The following ANPEP variants were observed in gnomAD, a reference collection of about 807,000 sequenced individuals.
The protein encoded by ANPEP is alanyl aminopeptidase, membrane, also known as aminopeptidase N.
Under a neutral mutation model 114.6 loss-of-function variants are expected in ANPEP, and 70 were observed. That is an observed-to-expected ratio of 0.61 (90% CI 0.50 to 0.75). ANPEP has a LOEUF of 0.75. Ranked by LOEUF, ANPEP falls within the 30% of genes least tolerant of loss-of-function variation. The probability of loss-of-function intolerance (pLI) is 0.00; values close to 1 mark genes in which losing one functional copy is unlikely to be tolerated. For missense variants in ANPEP, 1,184 were observed against 1,259.5 expected, an observed-to-expected ratio of 0.94 and a Z score of 0.91; for synonymous variants, 548 against 522.3, an observed-to-expected ratio of 1.05 and a Z score of -0.67.
chr15:89,801,314 G>T, intron 11 of ANPEP, 121 bp downstream of exon 11: 1 of 1,540,158 alleles, frequency 6.5e-7, no homozygotes, highest in South Asian at 1.2e-5. Flanking sequence ...TGGCTCTGGA[G>T]GGAGGGTCTG....
chr15:89,813,018 A>G (rs184346907), intron 1 of ANPEP, among the ~76,000 whole-genome samples: 1 of 152,104 alleles, frequency 6.6e-6, no homozygotes, highest in East Asian at 1.9e-4. Context: ...GAGGACCCAC[A>G]TCTTGCCTCC....
At chr15:89,805,801 T>C (rs1410321875) in intron 2 of ANPEP, among the ~76,000 whole-genome samples, 169 bp downstream of exon 2, 1 of 152,108 alleles carries the variant, frequency 6.6e-6, no homozygotes, top group Non-Finnish European at 1.5e-5. Flanking sequence ...CCCTCCCAGT[T>C]CGGTGCATTT....
At chr15:89,813,952 G>A (rs182267749) in intron 1 of ANPEP, among the ~76,000 whole-genome samples, 84 of 148,656 alleles carry the variant, frequency 5.7e-4, no homozygotes, top group Non-Finnish European at 8.8e-4. Flanking sequence ...AAAACCCCAG[G>A]ACATAGCCCA....
rs775363649 is a variant in ANPEP, at chr15:89,805,232, T to A, written c.758-15A>T. On this transcript the variant is annotated splice_polypyrimidine_tract_variant and intron_variant, in intron 3 of 20. Transcript: ENST00000300060. ...GGTGCTGGGACCTGGGCAGGGAGCA[T>A]GTGTGTGTGAGGACGTACCCTCCTG... The A allele has an allele frequency of 2.5e-6, 4 of 1,614,046 alleles. No individual in the cohort carries two copies. Among genetic ancestry groups the A allele is most frequent in the Non-Finnish European group, 2.5e-6 (3 of 1,179,964 alleles).
chr15:89,794,735 G>C (rs1252872374), intron 15 of ANPEP, among the ~76,000 whole-genome samples: 1 of 152,120 alleles, frequency 6.6e-6, no homozygotes, highest in Non-Finnish European at 1.5e-5. Context: ...ATTGCAAAGA[G>C]GGTCAGAGGT....
Position 89,804,583 on chromosome 15 carries a change from G to A in ANPEP, c.932C>T (p.Ala311Val), listed in dbSNP as rs17240268. The A allele has an allele frequency of 0.082, 132,670 of 1,613,128 alleles. 6,024 individuals carry two copies. The highest frequency in any genetic ancestry group is 0.13 in the African/African-American group (10,086 of 75,012). The change falls in exon 5 of 21, where the codon GCG becomes GTG. Residue 311 changes from alanine to valine, a missense_variant. Ala to Val is a moderately conservative substitution (Grantham distance 64). Coordinates refer to ENST00000300060, the MANE Select transcript of ANPEP (RefSeq NM_001150.3). ...GTTCAGGGCATAATCGCCGTGGCCC[G>A]CCGCAATGGCACTGGGCCGGGCCCA... ...RIWARPSAIA[A>V]GHGDYALNVT...
rs113402047 is a variant in ANPEP at position 89,786,692 on chromosome 15, C to CA, written c.2752-1192dup. 9.8e-3 allele frequency among the ~76,000 whole-genome samples: 1,163 copies of CA among 119,090 alleles called. 13 individuals carry two copies. The highest frequency in any genetic ancestry group is 0.029 in the African/African-American group (931 of 32,124). The allele number at this position is 119,090 out of a possible 152,430, so 78.1% of individuals were successfully genotyped here. ...TGGGTGACAGAGTGAGACCCTTTCT[C>CA]AAAAAAAAAAAAAGCAAATTGGAGG... On this transcript the variant is annotated intron_variant, in intron 20 of 20. Coordinates refer to ENST00000300060, the MANE Select transcript of ANPEP (RefSeq NM_001150.3).
Position 89,799,618 on chromosome 15 carries a change from A to G in ANPEP, c.1820-59T>C. ...TCAGAGGCCATGGGCTGACCCCTGG[A>G]CCTCTTGCAAGAGCAGCTGCCCCCG... On this transcript the variant is annotated intron_variant, in intron 12 of 20. Transcript: ENST00000300060. The surrounding 1 kb of genome is among the most constrained non-coding windows in gnomAD (Gnocchi z 4.2). 6.2e-7 allele frequency: 1 copy of G among 1,607,046 alleles called. No homozygotes were observed. Among genetic ancestry groups the G allele is most frequent in the South Asian group, 1.1e-5 (1 of 90,786 alleles).
intron 10 of ANPEP, chr15:89,802,343 T>G (rs1020093381): frequency 6.6e-6 from 1 of 151,336 alleles, no homozygotes; most frequent in African/African-American, 2.4e-5. Context: ...GCAATGACAG[T>G]GTCATTTTGT....
Position 89,804,366 on chromosome 15 carries a change from T to G in ANPEP, c.1066A>C (p.Asn356His), listed in dbSNP as rs1894663048. Reference sequence around the variant, plus strand: ...TCCCGGTAGGTCACCAGTCCCCAGTTCTCCATGGCGCCGGCGTTGAAGTCT... The same window carrying G: ...TCCCGGTAGGTCACCAGTCCCCAGTGCTCCATGGCGCCGGCGTTGAAGTCT... ...LPDFNAGAMENWGLVTYRENS... is the reference protein window; with the variant it reads ...LPDFNAGAMEHWGLVTYRENS... The change falls in exon 6 of 21, where the codon AAC (asparagine) becomes CAC (histidine). Residue 356 changes from asparagine (N) to histidine (H), a missense_variant. Transcript: ENST00000300060. 6.2e-7 allele frequency: 1 copy of G among 1,614,038 alleles called. No homozygotes were observed. Among genetic ancestry groups the G allele is most frequent in the Non-Finnish European group, 8.5e-7 (1 of 1,179,988 alleles).
Position 89,792,303 on chromosome 15 carries a change from G to C in ANPEP, c.2385C>G (p.Thr795=), listed in dbSNP as rs25652. 1 of 1,614,058 alleles carries C rather than the reference G, an allele frequency of 6.2e-7. No individual in the cohort carries two copies. The highest frequency in any genetic ancestry group is 2.2e-5 in the East Asian group (1 of 44,870). The change falls in exon 18 of 21, where the codon ACC becomes ACG. Residue 795 remains threonine, a synonymous_variant. Transcript: ENST00000300060. ...CCTGGGCGATAGCGTTGCAGTAGAC[G>C]GTGGACCGCAGGTTGGGGTGGATCC... The part of the protein sequence containing the change: ...NNPIHPNLRS[T]VYCNAIAQGG...
chr15:89,786,781 G>C (rs902337905), intron 20 of ANPEP, among the ~76,000 whole-genome samples: 4 of 151,736 alleles, frequency 2.6e-5, no homozygotes, highest in Non-Finnish European at 5.9e-5. Context: ...TATGGTACAG[G>C]CATAAGGATG....
chr15:89,789,136 CA>C (rs1968567260), intron 20 of ANPEP, among the ~76,000 whole-genome samples: 1 of 151,822 alleles, frequency 6.6e-6, no homozygotes, highest in Non-Finnish European at 1.5e-5. Flanking sequence ...CCCCCCACCA[CA>C]CCCAGCTAAT....
Position 89,785,621 on chromosome 15 carries a change from C to T in ANPEP, c.2752-120G>A. The T allele has an allele frequency of 2.9e-6, 4 of 1,398,438 alleles. No individual in the cohort carries two copies. The South Asian group carries it at 5.3e-5, about 19-fold the overall frequency. 86.6% of individuals were successfully genotyped at this position (1,398,438 alleles called of 1,614,324 possible). A position where few individuals can be genotyped will look rare whatever the true frequency, so the allele number is the denominator to read the frequency against. On this transcript the variant is annotated intron_variant, in intron 20 of 20. Transcript: ENST00000300060. ...GAGTCCCCATGGATGGGACCACACC[C>T]TGTTCCAGGGATAGGCAGGACGTCC...
At chr15:89,789,775 C>A (rs1247611300) in intron 20 of ANPEP, among the ~76,000 whole-genome samples, 492 of 97,254 alleles carry the variant, frequency 5.1e-3, no homozygotes, top group African/African-American at 6.4e-3. Context: ...GACTCAGTCT[C>A]AAAAAAAAAA....
intron 12 of ANPEP, among the ~76,000 whole-genome samples, chr15:89,800,311 C>T (rs904610864): frequency 6.6e-6 from 1 of 152,150 alleles, no homozygotes; most frequent in African/African-American, 2.4e-5. Flanking sequence ...CCTGACCTCT[C>T]CATGAACTTG....
In ANPEP at chr15:89,805,072, T is replaced by A. The variant is rs746255178; in HGVS notation, c.897+6A>T. On this transcript the variant is annotated splice_donor_region_variant and intron_variant, in intron 4 of 20. Transcript: ENST00000300060. ...ACGTGAAGGAGAGATGGGCCCAGCC[T>A]CATACCAAGACACCATTGGATGCCT... The A allele has an allele frequency of 4.3e-6, 7 of 1,614,190 alleles. No homozygotes were observed. Among genetic ancestry groups the A allele is most frequent in the Non-Finnish European group, 5.9e-6 (7 of 1,180,014 alleles).
At chr15:89,793,881 A>G (rs1249230372) in intron 15 of ANPEP, among the ~76,000 whole-genome samples, 3 of 152,030 alleles carry the variant, frequency 2.0e-5, no homozygotes, top group Non-Finnish European at 2.9e-5. Context: ...TATTCTTCAC[A>G]TGGCATTTTT....
rs368070845 is a variant in ANPEP at position 89,805,154 on chromosome 15, T to C, written c.821A>G (p.Lys274Arg). 121 of 1,614,110 alleles carry C rather than the reference T, an allele frequency of 7.5e-5. No individual in the cohort carries two copies. Among genetic ancestry groups the C allele is most frequent in the Non-Finnish European group, 1.0e-4 (118 of 1,180,046 alleles). The change falls in exon 4 of 21, where the codon AAG (lysine) becomes AGG (arginine). Residue 274 changes from lysine (K) to arginine (R), a missense_variant. Physicochemically the swap from Lys to Arg is conservative, Grantham distance 26. Coordinates refer to ENST00000300060, the MANE Select transcript of ANPEP (RefSeq NM_001150.3). ...WNVTEFHTTP[K>R]MSTYLLAFIV... The stretch of plus-strand genomic sequence containing the variant: ...GAAGGCCAGCAAGTACGTGGACATC[T>C]TGGGCGTGGTGTGGAACTCAGTGAC...
Sources: gnomAD v4.1 joint callset for allele counts (sites outside exome capture counted in the v4.1 genomes callset) on GRCh38, gnomAD v4.1.1 for gene constraint, Gnocchi (gnomAD v3.1) non-coding constraint, MANE v1.5 for transcripts, NCBI Gene and HGNC (gene_info 2026-07-23, HGNC 2026-07-21) for gene names.